Variants in MSH3 observed in about 807,000 individuals in gnomAD.
MSH3 encodes the protein DNA mismatch repair protein Msh3.
Under a neutral mutation model 123.3 loss-of-function variants are expected in MSH3, and 106 were observed. The observed-to-expected ratio is 0.86, with a 90% CI of 0.73 to 1.01. The LOEUF (loss-of-function observed/expected upper bound fraction) is 1.01, where lower values mean the gene tolerates loss of function less well. Among genes scored for constraint, MSH3 ranks in the 50% least tolerant of loss-of-function variants. The pLI, the probability that MSH3 is intolerant of heterozygous loss-of-function variation, is 0.00. For synonymous variants in MSH3, 515 were observed against 481.4 expected (o/e 1.07, Z -0.91); for missense variants, 1,459 against 1,347.6 (o/e 1.08, Z -1.29).
chr5:80,860,228 G>A (rs141490531), intron 21 of MSH3, among the ~76,000 whole-genome samples: 2 of 152,092 alleles, frequency 1.3e-5, no homozygotes, highest in African/African-American at 4.8e-5. Context: ...GCCTTCACTG[G>A]TTCCTTCTTC....
At chr5:80,668,663 C>T (rs1749624963) in intron 3 of MSH3, among the ~76,000 whole-genome samples, 2 of 152,192 alleles carry the variant, frequency 1.3e-5, no homozygotes, top group African/African-American at 4.8e-5. Context: ...GCAGGTACTT[C>T]TGAGCCTGCA....
At chr5:80,772,726 T>C (rs1435414941) in intron 15 of MSH3, among the ~76,000 whole-genome samples, 1 of 152,166 alleles carries the variant, frequency 6.6e-6, no homozygotes, top group Non-Finnish European at 1.5e-5. Flanking sequence ...CTGTTCATTC[T>C]TAGAATGTTT....
chr5:80,826,692 G>A (rs1389676243), intron 20 of MSH3, among the ~76,000 whole-genome samples: 2 of 151,980 alleles, frequency 1.3e-5, no homozygotes, highest in Non-Finnish European at 2.9e-5. Flanking sequence ...GGGATTACAG[G>A]CATGTGCCAC....
intron 8 of MSH3, among the ~76,000 whole-genome samples, chr5:80,695,260 G>A (rs1489921307): frequency 6.6e-6 from 1 of 151,520 alleles, no homozygotes; most frequent in African/African-American, 2.4e-5. Context: ...TTCACTGATT[G>A]TTTCATCTGT....
At chr5:80,796,836 C>T (rs905465786) in intron 19 of MSH3, among the ~76,000 whole-genome samples, 1 of 149,384 alleles carries the variant, frequency 6.7e-6, no homozygotes, top group African/African-American at 2.5e-5. Flanking sequence ...ATGTGGTCAC[C>T]GCTGGAGCTC....
chr5:80,801,370 T>G (rs781025384), intron 19 of MSH3, among the ~76,000 whole-genome samples: 5 of 152,160 alleles, frequency 3.3e-5, no homozygotes, highest in Non-Finnish European at 5.9e-5. Flanking sequence ...TTCTTCAGTC[T>G]TGTGTCTTTT....
intron 10 of MSH3, among the ~76,000 whole-genome samples, chr5:80,729,460 G>GTGTGTGTGTGTGTGTATATA (rs1277559108): frequency 3.2e-5 from 3 of 95,032 alleles, no homozygotes; most frequent in African/African-American, 1.3e-4. Flanking sequence ...GTGTGTGTGT[G>GTGTGTGTGTGTGTGTATATA]TATATATATA....
In MSH3 at chr5:80,654,926, C is replaced by G. The variant is rs557874766; in HGVS notation, c.199C>G (p.Pro67Ala). 16 of 798,648 alleles carry G rather than the reference C, an allele frequency of 2.0e-5. 1 individual carries two copies. The highest frequency in any genetic ancestry group is 1.4e-4 in the South Asian group (5 of 35,212). 49.5% of individuals were successfully genotyped at this position (798,648 alleles called of 1,614,324 possible). A position where few individuals can be genotyped will look rare whatever the true frequency, so the allele number is the denominator to read the frequency against. ...AAAAAAPPAPPAPAFPPQLPP... is the reference protein window; with the variant it reads ...AAAAAAPPAPAAPAFPPQLPP... ...AGCGGCCGCAGCGCCCCCAGCGCCC[C>G]CAGCTCCCGCCTTCCCGCCCCAGCT... Residue 67 changes from proline to alanine, a missense_variant, in exon 1 of 24, where the codon CCA becomes GCA. Physicochemically the swap from Pro to Ala is conservative, Grantham distance 27 (BLOSUM62 -1). Coordinates refer to ENST00000265081, the MANE Select transcript of MSH3 (RefSeq NM_002439.5).
chr5:80,714,130 C>CTTTTTTTTTTTTTTTTTTTTTT, intron 8 of MSH3, among the ~76,000 whole-genome samples: 1 of 85,822 alleles, frequency 1.2e-5, no homozygotes, highest in Non-Finnish European at 2.2e-5. Context: ...TTCAAATAGA[C>CTTTTTTTTTTTTTTTTTTTTTT]TTTTTTTTTT....
At chr5:80,788,636 C>T (rs1035233798) in intron 18 of MSH3, among the ~76,000 whole-genome samples, 1 of 151,842 alleles carries the variant, frequency 6.6e-6, no homozygotes, top group African/African-American at 2.4e-5. Flanking sequence ...CATATTGAGA[C>T]CCTATCTCTA....
At chr5:80,667,155 A>T (rs1749591061) in intron 3 of MSH3, among the ~76,000 whole-genome samples, 1 of 152,206 alleles carries the variant, frequency 6.6e-6, no homozygotes, top group Non-Finnish European at 1.5e-5. Context: ...TCCCATAAGG[A>T]TAAAACTTTT....
chr5:80,821,533 TAATA>T (rs1215410495), intron 20 of MSH3, among the ~76,000 whole-genome samples: 2 of 152,220 alleles, frequency 1.3e-5, no homozygotes, highest in Non-Finnish European at 2.9e-5. Context: ...ATTAATTAAT[TAATA>T]AAGAATTACA....
At chr5:80,795,679 C>T (rs1036148724) in intron 19 of MSH3, among the ~76,000 whole-genome samples, 7 of 152,082 alleles carry the variant, frequency 4.6e-5, no homozygotes, top group Admixed American at 6.5e-5. Flanking sequence ...TAAACTTGTT[C>T]ATTCTTTTTT....
intron 15 of MSH3, among the ~76,000 whole-genome samples, chr5:80,774,340 A>T (rs1456514982): frequency 6.6e-6 from 1 of 151,956 alleles, no homozygotes; most frequent in Non-Finnish European, 1.5e-5. Flanking sequence ...GAACTCTTGT[A>T]CACTGTTGGT....
At chr5:80,850,962 C>T (rs1401798321) in intron 20 of MSH3, among the ~76,000 whole-genome samples, 1 of 152,136 alleles carries the variant, frequency 6.6e-6, no homozygotes, top group Non-Finnish European at 1.5e-5. Flanking sequence ...TTCTAGCAGA[C>T]TCCTCCACTG....
chr5:80,656,565 C>A, intron 2 of MSH3, 34 bp downstream of exon 2: 1 of 1,613,310 alleles, frequency 6.2e-7, no homozygotes, highest in South Asian at 1.1e-5. Flanking sequence ...TCTCCTCAGT[C>A]ATGGCTCTGG....
At chr5:80,680,975 A>G (rs1245242330) in intron 8 of MSH3, among the ~76,000 whole-genome samples, 3 of 152,170 alleles carry the variant, frequency 2.0e-5, no homozygotes, top group Non-Finnish European at 4.4e-5. Flanking sequence ...TTTCCTTAAG[A>G]TAAATTCCTG....
At chr5:80,832,848 T>C (rs758992788) in intron 20 of MSH3, among the ~76,000 whole-genome samples, 16 of 152,130 alleles carry the variant, frequency 1.1e-4, no homozygotes, top group Admixed American at 5.2e-4. Flanking sequence ...CTAGTTATCA[T>C]TCAATATGAA....
chr5:80,702,221 C>T (rs949072717), intron 8 of MSH3, among the ~76,000 whole-genome samples: 3 of 152,178 alleles, frequency 2.0e-5, no homozygotes, highest in Admixed American at 1.3e-4. Context: ...TGACTGCTCC[C>T]TTATTTTATA....
Sources: gnomAD v4.1 joint callset for allele counts (sites outside exome capture counted in the v4.1 genomes callset) on GRCh38, gnomAD v4.1.1 for gene constraint, MANE v1.5 for transcripts, NCBI Gene and HGNC (gene_info 2026-07-23, HGNC 2026-07-21) for gene names.